The following LRP2BP variants were observed in gnomAD, a reference collection of about 807,000 sequenced individuals.
The protein encoded by LRP2BP is LRP2 binding protein, also known as LRP2-binding protein.
LRP2BP carries 38 observed loss-of-function variants against 45.2 expected under a neutral mutation model. The observed-to-expected ratio is 0.84, with a 90% CI of 0.65 to 1.10. The LOEUF (loss-of-function observed/expected upper bound fraction) is 1.10, where lower values mean the gene tolerates loss of function less well. Ranked by LOEUF, LRP2BP falls within the 50% of genes least tolerant of loss-of-function variation. The probability of loss-of-function intolerance (pLI) is 0.00; values close to 1 mark genes in which losing one functional copy is unlikely to be tolerated. For synonymous variants in LRP2BP, 153 were observed against 153.9 expected (o/e 0.99, Z 0.04); for missense variants, 385 against 418.9 (o/e 0.92, Z 0.71).
At chr4:185,378,519 C>T in intron 1 of LRP2BP, 1 of 1,062,358 alleles carries the variant, frequency 9.4e-7, no homozygotes. Context: ...ACAAGTGTTG[C>T]CACTTAGTGG....
In LRP2BP at chr4:185,367,680, G is replaced by C. The variant is rs147987275; in HGVS notation, c.979-435C>G. Reference sequence around the variant, plus strand: ...ATAGTGACAAGGTGCATAATTTCTAGAATGTCAACAATTTGGGATATAGAG... The same window carrying C: ...ATAGTGACAAGGTGCATAATTTCTACAATGTCAACAATTTGGGATATAGAG... On this transcript the variant is annotated intron_variant, in intron 8 of 8. Transcript: ENST00000505916. Among the ~76,000 whole-genome samples, 7 of 152,194 alleles carry C rather than the reference G, an allele frequency of 4.6e-5. No individual in the cohort carries two copies. The East Asian group carries it at 1.4e-3, about 29-fold the overall frequency.
intron 1 of LRP2BP, among the ~76,000 whole-genome samples, chr4:185,382,663 G>A (rs1307203246): frequency 2.0e-5 from 3 of 152,142 alleles, no homozygotes; most frequent in East Asian, 1.9e-4. Context: ...ATTTGTAAAT[G>A]TCTATTCAAA....
intron 7 of LRP2BP, among the ~76,000 whole-genome samples, chr4:185,372,530 T>C (rs1561077266): frequency 1.3e-5 from 2 of 152,246 alleles, no homozygotes; most frequent in Non-Finnish European, 2.9e-5. Flanking sequence ...TTTCATCCAG[T>C]TTATTCAAAC....
Position 185,370,694 on chromosome 4 carries a change from C to G in LRP2BP, c.924G>C (p.Gln308His), listed in dbSNP as rs2095411747. 1.2e-6 allele frequency: 2 copies of G among 1,613,932 alleles called. No individual in the cohort carries two copies. Among genetic ancestry groups the G allele is most frequent in the African/African-American group, 2.7e-5 (2 of 74,894 alleles). The change falls in exon 8 of 9, where the codon CAG becomes CAC. Residue 308 changes from glutamine (Q) to histidine (H), a missense_variant. Coordinates refer to ENST00000505916, the MANE Select transcript of LRP2BP (RefSeq NM_001377440.1). The stretch of plus-strand genomic sequence containing the variant: ...CATCCCTGGTGATGCCCAAGCCAAG[C>G]TGAAGACACCTTGCGTGGTAGAAGG... ...MASFYHARCL[Q>H]LGLGITRDET...
rs747578956 is a variant in LRP2BP at position 185,371,084 on chromosome 4, C to T, written c.804-270G>A. ...AACAAAGGTATGTTTCTTTTTTCTT[C>T]TAATATTACTACTGGAAGTTTAATG... On this transcript the variant is annotated intron_variant, in intron 7 of 8. Transcript: ENST00000505916. The T allele has an allele frequency of 5.2e-4, 170 of 325,240 alleles. 1 individual carries two copies. Among genetic ancestry groups the T allele is most frequent in the Non-Finnish European group, 8.5e-4 (148 of 173,784 alleles). 20.1% of individuals were successfully genotyped at this position (325,240 alleles called of 1,614,324 possible).
At position 185,380,037 on chromosome 4, in the gene LRP2BP, G is replaced by A. The variant is rs111398888; in HGVS notation, c.-21-1830C>T. On this transcript the variant is annotated intron_variant, in intron 1 of 8. Coordinates refer to ENST00000505916, the MANE Select transcript of LRP2BP (RefSeq NM_001377440.1). ...ATGGGGTCTCCATGTTATGCAGGCT[G>A]GTCTCAAGTTCCTGGGCTCCAGCAA... Among the ~76,000 whole-genome samples, 361 of 152,244 alleles carry A rather than the reference G, an allele frequency of 2.4e-3. 1 individual carries two copies. Among genetic ancestry groups the A allele is most frequent in the African/African-American group, 8.3e-3 (346 of 41,532 alleles).
At chr4:185,378,935 G>A in intron 1 of LRP2BP, 1 of 985,390 alleles carries the variant, frequency 1.0e-6, no homozygotes, top group Non-Finnish European at 1.2e-6. Flanking sequence ...TGGTGGTCAA[G>A]AGAAGAAATA....
intron 4 of LRP2BP, among the ~76,000 whole-genome samples, 158 bp downstream of exon 4, chr4:185,375,455 C>CAAAAAAAAAAAAAAAAA (rs1193760497): frequency 6.8e-5 from 1 of 14,774 alleles, no homozygotes; most frequent in Non-Finnish European, 1.2e-4. Flanking sequence ...GACTCCGTCT[C>CAAAAAAAAAAAAAAAAA]AAAAAAAAAA....
upstream of LRP2BP, chr4:185,396,415 C>T (rs1027455799): frequency 6.5e-6 from 1 of 153,386 alleles, no homozygotes; most frequent in Admixed American, 6.5e-5. Flanking sequence ...GCCGAAACTC[C>T]CGCTTCTCCG....
At position 185,374,378 on chromosome 4, in the gene LRP2BP, G is replaced by A. The variant is rs755512034; in HGVS notation, c.414C>T (p.Asn138=). 1.1e-5 allele frequency: 17 copies of A among 1,613,940 alleles called. No homozygotes were observed. The highest frequency in any genetic ancestry group is 1.4e-5 in the Non-Finnish European group (17 of 1,180,010). The change falls in exon 5 of 9, where the codon AAC becomes AAT. Residue 138 remains asparagine (N), a synonymous_variant. Transcript: ENST00000505916. The part of the protein sequence containing the change: ...ARHLKFAAAY[N]LGRAYYEGKG... ...TTCCTTCATAATAAGCTCTTCCGAG[G>A]TTGTAAGCAGCTGCAAATTTTAAGT...
At chr4:185,389,078 C>A (rs2095480701) in intron 1 of LRP2BP, among the ~76,000 whole-genome samples, 1 of 152,110 alleles carries the variant, frequency 6.6e-6, no homozygotes, top group Non-Finnish European at 1.5e-5. Flanking sequence ...CAGGGTTTCA[C>A]CATGTTGGCC....
intron 3 of LRP2BP, 80 bp downstream of exon 3, chr4:185,376,829 G>C: frequency 1.0e-6 from 1 of 960,660 alleles, no homozygotes; most frequent in South Asian, 1.4e-5. Context: ...AACACAGTAA[G>C]AAACTCTACA....
intron 1 of LRP2BP, among the ~76,000 whole-genome samples, chr4:185,388,444 T>TCAATCATCTAC (rs1252391613): frequency 7.9e-4 from 4 of 5,086 alleles, no homozygotes; most frequent in Non-Finnish European, 1.6e-3. Flanking sequence ...TATCTACCTA[T>TCAATCATCTAC]CTGCCTACCT....
At chr4:185,377,044 C>G in intron 2 of LRP2BP, 26 bp from the exon 3 acceptor site, 2 of 1,421,220 alleles carry the variant, frequency 1.4e-6, no homozygotes, top group African/African-American at 2.8e-5. Flanking sequence ...TAAGGAATTC[C>G]ATCAACCACA....
At chr4:185,380,685 G>C (rs2095453390) in intron 1 of LRP2BP, among the ~76,000 whole-genome samples, 1 of 152,146 alleles carries the variant, frequency 6.6e-6, no homozygotes, top group South Asian at 2.1e-4. Flanking sequence ...ACAGGTTTCA[G>C]GAGTTAGCAC....
At chr4:185,396,001 C>T (rs554839993), upstream of LRP2BP, 24 of 749,106 alleles carry the variant, frequency 3.2e-5, no homozygotes, top group Non-Finnish European at 3.7e-5. Flanking sequence ...GCACGCCCGA[C>T]AGCACCCGCG....
intron 1 of LRP2BP, among the ~76,000 whole-genome samples, chr4:185,379,744 G>T (rs972581793): frequency 2.6e-5 from 4 of 152,186 alleles, no homozygotes; most frequent in Non-Finnish European, 5.9e-5. Context: ...TAAGTAACTT[G>T]CCCAAGGCCA....
chr4:185,395,238 A>C lies in LRP2BP; in HGVS notation c.-481T>G, dbSNP rs2126860097. The C allele has an allele frequency of 1.0e-6, 1 of 985,454 alleles. No homozygotes were observed. Among genetic ancestry groups the C allele is most frequent in the South Asian group, 4.7e-5 (1 of 21,292 alleles). 61.0% of individuals were successfully genotyped at this position (985,454 alleles called of 1,614,324 possible). A position where few individuals can be genotyped will look rare whatever the true frequency, so the allele number is the denominator to read the frequency against. ...AATAACTACCACTTAATGCATACTG[A>C]ACAGAATCTTGTTTCAAAGAAAAGA... On this transcript the variant is annotated 5_prime_UTR_variant, in exon 1 of 9. Coordinates refer to ENST00000505916, the MANE Select transcript of LRP2BP (RefSeq NM_001377440.1).
rs200462300 is a variant in LRP2BP, at chr4:185,378,051, C to T, written c.106+30G>A. The T allele has an allele frequency of 9.0e-6, 14 of 1,561,146 alleles. No individual in the cohort carries two copies. The East Asian group carries it at 2.9e-4, about 33-fold the overall frequency. On this transcript the variant is annotated intron_variant, in intron 2 of 8. Coordinates refer to ENST00000505916, the MANE Select transcript of LRP2BP (RefSeq NM_001377440.1). Reference sequence around the variant, plus strand: ...CAAAATGAACTGTTAAAGTGTTTTCCAAGGGAAGCTTAAATATCAGGATTT... The same window carrying T: ...CAAAATGAACTGTTAAAGTGTTTTCTAAGGGAAGCTTAAATATCAGGATTT...
Sources: gnomAD v4.1 joint callset for allele counts (sites outside exome capture counted in the v4.1 genomes callset) on GRCh38, gnomAD v4.1.1 for gene constraint, MANE v1.5 for transcripts, NCBI Gene and HGNC (gene_info 2026-07-23, HGNC 2026-07-21) for gene names.